BRINP3: variants seen among roughly 807,000 people sequenced by gnomAD.
BRINP3 encodes the protein BMP/retinoic acid inducible neural specific 3, also known as BMP/retinoic acid-inducible neural-specific protein 3.
Under a neutral mutation model 71.0 loss-of-function variants are expected in BRINP3, and 19 were observed. The ratio of observed to expected loss-of-function variants is 0.27; its 90% CI spans 0.19 to 0.39. The LOEUF is 0.39. Ranked by LOEUF, BRINP3 falls within the 10% of genes least tolerant of loss-of-function variation. The probability of loss-of-function intolerance (pLI) is 1.00; values close to 1 mark genes in which losing one functional copy is unlikely to be tolerated. For missense variants in BRINP3, 959 were observed against 940.8 expected (o/e 1.02, Z -0.25); for synonymous variants, 380 against 337.7 (o/e 1.13, Z -1.37).
In BRINP3 at chr1:190,295,249, G is replaced by A. The variant is rs539299640; in HGVS notation, c.237-13499C>T. ...GTGGATTCCCTTCTGGCCCAGGATG[G>A]ATCTAGAAGTGCCAAGCAGCTCACT... On this transcript the variant is annotated intron_variant, in intron 2 of 7. Coordinates refer to ENST00000367462, the MANE Select transcript of BRINP3 (RefSeq NM_199051.3). Among the ~76,000 whole-genome samples the A allele has an allele frequency of 1.2e-4, 18 of 152,190 alleles. No individual in the cohort carries two copies. In the South Asian group the frequency reaches 3.7e-3, roughly 32 times the overall value.
At chr1:190,391,038 T>G (rs1178136189) in intron 2 of BRINP3, among the ~76,000 whole-genome samples, 1 of 151,788 alleles carries the variant, frequency 6.6e-6, no homozygotes, top group Non-Finnish European at 1.5e-5. Flanking sequence ...GGCATGAGAT[T>G]TGCAGGATTC....
intron 2 of BRINP3, among the ~76,000 whole-genome samples, chr1:190,373,964 T>G (rs950722231): frequency 6.6e-6 from 1 of 151,252 alleles, no homozygotes; most frequent in East Asian, 2.0e-4. Flanking sequence ...AAGAAGCTAT[T>G]ACTGCTCTGG....
At chr1:190,330,894 T>C (rs186431129) in intron 2 of BRINP3, among the ~76,000 whole-genome samples, 20 of 152,120 alleles carry the variant, frequency 1.3e-4, no homozygotes, top group African/African-American at 4.8e-4. Flanking sequence ...AAATATGGCA[T>C]GTTCTCATTA....
At position 190,468,042 on chromosome 1, in the gene BRINP3, A is replaced by C. The variant is rs866798827; in HGVS notation, c.-51+9406T>G. ...TGTCAAGAATTACCTTCTGAACAAT[A>C]ATTACAGCAATCACTGTTACTGGAC... On this transcript the variant is annotated intron_variant, in intron 1 of 7. Transcript: ENST00000367462. 5.3e-5 allele frequency among the ~76,000 whole-genome samples: 8 copies of C among 151,492 alleles called. No individual in the cohort carries two copies. The South Asian group carries it at 1.7e-3, about 31-fold the overall frequency.
intron 4 of BRINP3, among the ~76,000 whole-genome samples, chr1:190,262,770 A>G (rs1661299504): frequency 6.6e-6 from 1 of 151,872 alleles, no homozygotes; most frequent in Non-Finnish European, 1.5e-5. Context: ...CTTCTTTGGG[A>G]CTCGTTTTGA....
Position 190,124,524 on chromosome 1 carries a change from T to C in BRINP3, c.1185-25390A>G, listed in dbSNP as rs141172948. Among the ~76,000 whole-genome samples the C allele has an allele frequency of 4.4e-3, 667 of 152,246 alleles. 4 individuals carry two copies. The highest frequency in any genetic ancestry group is 0.015 in the African/African-American group (611 of 41,572). On this transcript the variant is annotated intron_variant, in intron 7 of 7. Transcript: ENST00000367462. ...AGCACAATGTACAATGCGTAGAAGC[T>C]GCTTAACAAATACTTATTAATAAAA... is the stretch of plus-strand genomic sequence containing the variant.
At chr1:190,151,905 C>T (rs1656426569) in intron 7 of BRINP3, among the ~76,000 whole-genome samples, 1 of 152,112 alleles carries the variant, frequency 6.6e-6, no homozygotes, top group African/African-American at 2.4e-5. Flanking sequence ...GATGACGTGA[C>T]ACTGATCTCC....
intron 4 of BRINP3, among the ~76,000 whole-genome samples, chr1:190,261,940 A>G (rs534233370): frequency 6.6e-6 from 1 of 152,188 alleles, no homozygotes; most frequent in Non-Finnish European, 1.5e-5. Context: ...CCTTGGATCC[A>G]GCCTACTGAA....
At chr1:190,396,880 C>T (rs1671611957) in intron 2 of BRINP3, among the ~76,000 whole-genome samples, 1 of 77,238 alleles carries the variant, frequency 1.3e-5, no homozygotes, top group African/African-American at 4.2e-5. Context: ...AAACATAGTC[C>T]TTTTCAGTAC....
intron 2 of BRINP3, among the ~76,000 whole-genome samples, chr1:190,402,245 T>C (rs746840447): frequency 2.2e-4 from 33 of 152,176 alleles, no homozygotes; most frequent in Non-Finnish European, 4.6e-4. Flanking sequence ...TGAAGTAATA[T>C]ATTTTTATAT....
chr1:190,113,427 C>G (rs575404498), intron 7 of BRINP3, among the ~76,000 whole-genome samples: 35 of 152,244 alleles, frequency 2.3e-4, no homozygotes, highest in African/African-American at 7.5e-4. Flanking sequence ...AACAACTTGT[C>G]AGTACCATTG....
At position 190,337,039 on chromosome 1, in the gene BRINP3, T is replaced by C. The variant is rs1454299205; in HGVS notation, c.237-55289A>G. Among the ~76,000 whole-genome samples, 3 of 151,984 alleles carry C rather than the reference T, an allele frequency of 2.0e-5. 1 individual carries two copies. The South Asian group carries it at 6.2e-4, about 32-fold the overall frequency. On this transcript the variant is annotated intron_variant, in intron 2 of 7. Transcript: ENST00000367462. ...AATATTATATAATACTAAACTAACC[T>C]GAGGCATCTTGGAAAGAGAGAAAGA...
intron 2 of BRINP3, among the ~76,000 whole-genome samples, chr1:190,401,203 T>G (rs1671897381): frequency 6.6e-6 from 1 of 151,282 alleles, no homozygotes; most frequent in African/African-American, 2.4e-5. Flanking sequence ...ACCAAAAACA[T>G]GAAAATTAGC....
intron 2 of BRINP3, among the ~76,000 whole-genome samples, chr1:190,380,383 G>A (rs1670472629): frequency 6.6e-6 from 1 of 152,132 alleles, no homozygotes; most frequent in African/African-American, 2.4e-5. Flanking sequence ...CATTTTCAAT[G>A]TATTAATTTT....
intron 2 of BRINP3, among the ~76,000 whole-genome samples, chr1:190,386,038 A>G (rs867263362): frequency 3.8e-4 from 53 of 141,020 alleles, no homozygotes; most frequent in Middle Eastern, 7.0e-3. Flanking sequence ...CAATGAGATC[A>G]CATGGACACA....
chr1:190,243,383 A>T (rs1030563121), intron 4 of BRINP3, among the ~76,000 whole-genome samples: 1 of 152,104 alleles, frequency 6.6e-6, no homozygotes, highest in African/African-American at 2.4e-5. Flanking sequence ...AGCAACTATA[A>T]AAAATACATG....
rs761568488 is a variant in BRINP3 at position 190,281,675 on chromosome 1, G to T, written c.312C>A (p.Ala104=). 6.2e-7 allele frequency: 1 copy of T among 1,612,824 alleles called. No homozygotes were observed. The highest frequency in any genetic ancestry group is 1.1e-5 in the South Asian group (1 of 91,040). The change falls in exon 3 of 8, where the codon GCC becomes GCA. Residue 104 remains alanine, a synonymous_variant. Transcript: ENST00000367462. ...GTCTTATGTTGCGGAAGAATTCAGG[G>T]GCAAGAGGCAGAGGAGAGCCAAGGA... The part of the protein sequence containing the change: ...RNFLGSPLPL[A]PEFFRNIRLL...
rs1651358855 is a variant in BRINP3, at chr1:190,098,125, G to A, written c.2194C>T (p.Leu732Phe). ...ACCACCTCACTAGTAGACAGCTTGA[G>A]TCTATGACGAAGCAAGCAAGAGAAA... ...DLFSCLLRHR[L>F]KLSTSEVVRI... Residue 732 changes from leucine (L) to phenylalanine (F), a missense_variant, in exon 8 of 8, where the codon CTC (leucine) becomes TTC (phenylalanine). By Grantham distance (22) the Leu-to-Phe change is conservative. Transcript: ENST00000367462. The A allele has an allele frequency of 1.9e-6, 3 of 1,614,032 alleles. No individual in the cohort carries two copies. The South Asian group carries it at 3.3e-5, about 18-fold the overall frequency.
At chr1:190,440,954 T>A (rs546217215) in intron 2 of BRINP3, among the ~76,000 whole-genome samples, 2 of 152,094 alleles carry the variant, frequency 1.3e-5, no homozygotes, top group Admixed American at 6.5e-5. Context: ...AGGAGGGTCC[T>A]AGATTGTATT....
Sources: allele counts gnomAD v4.1 joint callset (sites outside exome capture counted in the v4.1 genomes callset), GRCh38; gene constraint gnomAD v4.1.1; transcripts MANE v1.5; gene names NCBI Gene and HGNC (gene_info 2026-07-23, HGNC 2026-07-21).